Variants in ASPSCR1 observed in about 807,000 individuals in gnomAD.
ASPSCR1 encodes ASPSCR1 tether for SLC2A4, UBX domain containing, also known as tether containing UBX domain for GLUT4.
Under a neutral mutation model 68.9 loss-of-function variants are expected in ASPSCR1, and 55 were observed. The ratio of observed to expected loss-of-function variants is 0.80; its 90% CI spans 0.64 to 1.00. The LOEUF (loss-of-function observed/expected upper bound fraction) is 1.00. ASPSCR1 is among the 50% of genes least tolerant of loss of function. ASPSCR1 has a pLI of 0.00. For synonymous variants in ASPSCR1, 352 were observed against 332.6 expected, an observed-to-expected ratio of 1.06 and a Z score of -0.63; for missense variants, 765 against 762.2, an observed-to-expected ratio of 1.00 and a Z score of -0.04.
Position 81,983,687 on chromosome 17 carries a change from G to T in ASPSCR1, c.273+19G>T. ...GAACATGGTGGGTCGTGCTCTGGGG[G>T]AGGCTGACTGTGTGGGGCACAGGAT... On this transcript the variant is annotated intron_variant, in intron 3 of 15. Transcript: ENST00000306739. This position sits in a 1 kb window ranked among gnomAD's most constrained non-coding sequence, Gnocchi z 4.4. The T allele has an allele frequency of 6.3e-7, 1 of 1,583,434 alleles. No individual in the cohort carries two copies.
rs765819740 is a variant in ASPSCR1, at chr17:82,012,137, G to T, written c.1301-94G>T. 21 of 1,408,878 alleles carry T rather than the reference G, an allele frequency of 1.5e-5. No homozygotes were observed. In the Admixed American group the frequency reaches 3.4e-4, roughly 23 times the overall value. 87.3% of individuals were successfully genotyped at this position (1,408,878 alleles called of 1,614,324 possible). On this transcript the variant is annotated intron_variant, in intron 11 of 15. Coordinates refer to ENST00000306739, the MANE Select transcript of ASPSCR1 (RefSeq NM_024083.4). ...GAGGGGCTCTTCTGCCCCACTTGAG[G>T]CGTCACCCCCATCTGCAGGCCTGTC...
chr17:81,985,673 G>A (rs1422194307), intron 4 of ASPSCR1, 66 bp downstream of exon 4: 9 of 1,518,900 alleles, frequency 5.9e-6, no homozygotes, highest in Admixed American at 3.5e-5. Flanking sequence ...GTGGTTACTG[G>A]GTCTGGTTCA....
At chr17:81,985,422 T>C in intron 3 of ASPSCR1, 85 bp from the exon 4 acceptor site, 1 of 1,429,580 alleles carries the variant, frequency 7.0e-7, no homozygotes, top group South Asian at 1.2e-5. Flanking sequence ...AGTCACCCTC[T>C]CTGTGTCTGG....
At chr17:82,003,991 A>T (rs1296679441) in intron 7 of ASPSCR1, among the ~76,000 whole-genome samples, 3 of 152,120 alleles carry the variant, frequency 2.0e-5, no homozygotes, top group Non-Finnish European at 2.9e-5. Flanking sequence ...GGTGGGAGGG[A>T]GGGAGGCCGG....
At chr17:82,015,548 C>G (rs1036145889) in intron 12 of ASPSCR1, 2 of 752,532 alleles carry the variant, frequency 2.7e-6, no homozygotes, top group East Asian at 5.4e-5. Context: ...CCAGGTGCCT[C>G]TCTGCATCGG....
Position 81,983,654 on chromosome 17 carries a change from G to T in ASPSCR1, c.259G>T (p.Gly87Trp). ...EMVPASRSREGPENMVRIALQ... is the reference protein window; with the variant it reads ...EMVPASRSREWPENMVRIALQ... ...GGTGCCCGCTTCCCGGAGCCGTGAG[G>T]GGCCTGAGAACATGGTGGGTCGTGC... Residue 87 changes from glycine to tryptophan, a missense_variant, in exon 3 of 16, where the codon GGG becomes TGG. Physicochemically the swap from Gly to Trp is radical, Grantham distance 184. Coordinates refer to ENST00000306739, the MANE Select transcript of ASPSCR1 (RefSeq NM_024083.4). The surrounding 1 kb of genome is among the most constrained non-coding windows in gnomAD (Gnocchi z 4.4). 1 of 1,612,228 alleles carries T rather than the reference G, an allele frequency of 6.2e-7. No homozygotes were observed.
intron 7 of ASPSCR1, among the ~76,000 whole-genome samples, chr17:82,001,635 T>C (rs918036199): frequency 6.6e-6 from 1 of 151,790 alleles, no homozygotes; most frequent in Non-Finnish European, 1.5e-5. Context: ...GAACTGGGAG[T>C]GTGGGGCTCC....
rs773120026 is a variant in ASPSCR1 at position 82,009,114 on chromosome 17, A to G, written c.1011A>G (p.Pro337=). The change falls in exon 8 of 16, where the codon CCA becomes CCG. Residue 337 remains proline (P), a synonymous_variant. Transcript: ENST00000306739. Reference sequence around the variant, plus strand: ...TGGAGGAGCGGCTGCAGGCCTGGCCAGCGGAGCTGCCTGATGAGTTCTTTG... The same window carrying G: ...TGGAGGAGCGGCTGCAGGCCTGGCCGGCGGAGCTGCCTGATGAGTTCTTTG... The part of the protein sequence containing the change: ...PDLEERLQAW[P]AELPDEFFEL... 132 of 1,601,084 alleles carry G rather than the reference A, an allele frequency of 8.2e-5. 1 individual carries two copies. In the South Asian group the frequency reaches 1.3e-3, roughly 16 times the overall value.
At chr17:82,012,382 C>A in intron 12 of ASPSCR1, 99 bp downstream of exon 12, 2 of 1,401,546 alleles carry the variant, frequency 1.4e-6, no homozygotes, top group Non-Finnish European at 2.0e-6. Context: ...GCCTGGCAGG[C>A]GCTGGGGCAG....
intron 4 of ASPSCR1, 132 bp downstream of exon 4, chr17:81,985,739 C>T (rs908464669): frequency 2.4e-6 from 2 of 850,944 alleles, no homozygotes; most frequent in African/African-American, 1.7e-5. Context: ...ACTTTGCAGT[C>T]CTTTGTAGAG....
intron 9 of ASPSCR1, among the ~76,000 whole-genome samples, chr17:82,010,340 T>A (rs529262574): frequency 7.3e-5 from 11 of 151,108 alleles, no homozygotes; most frequent in African/African-American, 2.7e-4. Flanking sequence ...CCATCCTGGC[T>A]GACACGGTGA....
Position 81,996,597 on chromosome 17 carries a change from T to G in ASPSCR1, c.684T>G (p.Thr228=). The G allele has an allele frequency of 1.2e-6, 2 of 1,611,278 alleles. No individual in the cohort carries two copies. The highest frequency in any genetic ancestry group is 1.7e-6 in the Non-Finnish European group (2 of 1,178,302). The stretch of plus-strand genomic sequence containing the variant: ...CCTCAGGGCCCTGCTGCGAGCACAC[T>G]CAGGAGAAGCAGAGCACAAGGGCAC... ...ADTSGPCCEH[T]QEKQSTRAPA... Residue 228 remains threonine (T), a synonymous_variant, in exon 7 of 16, where the codon ACT becomes ACG. Transcript: ENST00000306739.
chr17:82,003,464 T>C (rs1007429420), intron 7 of ASPSCR1, among the ~76,000 whole-genome samples: 3 of 152,202 alleles, frequency 2.0e-5, no homozygotes, highest in Admixed American at 1.3e-4. Context: ...GAAACATCTC[T>C]GCTTTGGGCC....
At chr17:82,003,763 C>T (rs1397852677) in intron 7 of ASPSCR1, among the ~76,000 whole-genome samples, 3 of 152,262 alleles carry the variant, frequency 2.0e-5, no homozygotes, top group South Asian at 2.1e-4. Flanking sequence ...ACAGAGCCCG[C>T]GCCCACGCCC....
chr17:82,012,420 G>T (rs1482514552), intron 12 of ASPSCR1, 137 bp downstream of exon 12: 5 of 1,024,336 alleles, frequency 4.9e-6, no homozygotes, highest in South Asian at 1.5e-5. Context: ...GAGCCGGTGG[G>T]TTCCGAGGGG....
intron 7 of ASPSCR1, among the ~76,000 whole-genome samples, chr17:82,002,198 G>A (rs1305121809): frequency 6.6e-6 from 1 of 150,854 alleles, no homozygotes; most frequent in Non-Finnish European, 1.5e-5. Context: ...ATTAAAAAGT[G>A]ATTTTTTTTT....
At chr17:82,000,073 G>T (rs929799379) in intron 7 of ASPSCR1, among the ~76,000 whole-genome samples, 2 of 152,232 alleles carry the variant, frequency 1.3e-5, no homozygotes, top group Admixed American at 1.3e-4. Context: ...TGAAGCGCTC[G>T]TGCCCCTCGA....
intron 2 of ASPSCR1, among the ~76,000 whole-genome samples, chr17:81,982,370 A>G (rs1905263453): frequency 6.6e-6 from 1 of 152,224 alleles, no homozygotes; most frequent in South Asian, 2.1e-4. Context: ...TACCATAGCC[A>G]TGTTTTCAGG....
In ASPSCR1 at chr17:81,996,659, G is replaced by T; in HGVS notation, c.746G>T (p.Gly249Val). 2.5e-6 allele frequency: 4 copies of T among 1,612,848 alleles called. No homozygotes were observed. The highest frequency in any genetic ancestry group is 3.4e-6 in the Non-Finnish European group (4 of 1,179,698). ...CCCTTTGTTCCTTTCTCGGGTGGGG[G>T]ACAGAGACTGGGGGGCCCTCCTGGG... ...AAPFVPFSGG[G>V]QRLGGPPGPT... The change falls in exon 7 of 16, where the codon GGA (glycine) becomes GTA (valine). Residue 249 changes from glycine (G) to valine (V), a missense_variant. Physicochemically the swap from Gly to Val is moderately radical, Grantham distance 109. Transcript: ENST00000306739.
Sources: gnomAD v4.1 joint callset for allele counts (sites outside exome capture counted in the v4.1 genomes callset) on GRCh38, gnomAD v4.1.1 for gene constraint, Gnocchi (gnomAD v3.1) non-coding constraint, MANE v1.5 for transcripts, NCBI Gene and HGNC (gene_info 2026-07-23, HGNC 2026-07-21) for gene names.